Variants in GRIA2 observed in about 807,000 individuals in gnomAD.
The protein encoded by GRIA2 is glutamate ionotropic receptor AMPA type subunit 2.
A neutral mutation model predicts 97.3 loss-of-function variants in GRIA2; 14 were observed. The observed-to-expected ratio is 0.14, with a 90% CI of 0.10 to 0.23. The LOEUF (loss-of-function observed/expected upper bound fraction) is 0.23, where lower values mean the gene tolerates loss of function less well. GRIA2 is among the 10% of genes least tolerant of loss of function. The pLI is 1.00. For synonymous variants in GRIA2, 412 were observed against 387.8 expected, an observed-to-expected ratio of 1.06 and a Z score of -0.73; for missense variants, 558 against 1,069.8, an observed-to-expected ratio of 0.52 and a Z score of 6.67.
At chr4:157,277,836 A>ATATATATATGTATATAG (rs1732399918) in intron 2 of GRIA2, among the ~76,000 whole-genome samples, 1 of 121,254 alleles carries the variant, frequency 8.2e-6, no homozygotes, top group Non-Finnish European at 1.7e-5. Context: ...GTATATATGT[A>ATATATATATGTATATAG]TATATATATG....
intron 3 of GRIA2, among the ~76,000 whole-genome samples, chr4:157,306,157 A>G (rs1290795479): frequency 6.6e-6 from 1 of 152,264 alleles, no homozygotes; most frequent in South Asian, 2.1e-4. Flanking sequence ...TGGCATTTTT[A>G]GTTTAAGAAT....
At chr4:157,356,811 T>A (rs1028086862) in intron 12 of GRIA2, among the ~76,000 whole-genome samples, 2 of 151,864 alleles carry the variant, frequency 1.3e-5, no homozygotes, top group African/African-American at 4.9e-5. Context: ...GTGGATCCGA[T>A]GATTGTAGTG....
At chr4:157,251,913 A>T (rs1169193077) in intron 2 of GRIA2, among the ~76,000 whole-genome samples, 3 of 152,106 alleles carry the variant, frequency 2.0e-5, no homozygotes, top group Non-Finnish European at 4.4e-5. Context: ...TTGAGACCCT[A>T]TACGGGGATC....
At chr4:157,244,600 A>ATTC (rs1179933424) in intron 2 of GRIA2, among the ~76,000 whole-genome samples, 2 of 152,048 alleles carry the variant, frequency 1.3e-5, no homozygotes, top group Admixed American at 6.6e-5. Context: ...AAGAGTTTTT[A>ATTC]TTCTTACAGG....
At chr4:157,260,415 A>C (rs1731477531) in intron 2 of GRIA2, among the ~76,000 whole-genome samples, 1 of 152,126 alleles carries the variant, frequency 6.6e-6, no homozygotes, top group African/African-American at 2.4e-5. Context: ...TTATGCTATT[A>C]TTTAGGAACC....
At chr4:157,237,779 A>T (rs1730319131) in intron 2 of GRIA2, among the ~76,000 whole-genome samples, 1 of 152,106 alleles carries the variant, frequency 6.6e-6, no homozygotes, top group Non-Finnish European at 1.5e-5. Context: ...ATAAAAGAGG[A>T]TGTCAGATTT....
chr4:157,240,712 T>TC (rs1015913682), intron 2 of GRIA2, among the ~76,000 whole-genome samples: 1 of 152,122 alleles, frequency 6.6e-6, no homozygotes, highest in Non-Finnish European at 1.5e-5. Context: ...CTTTTTTTTT[T>TC]TCTTTTATTT....
chr4:157,274,109 T>C (rs564472483), intron 2 of GRIA2, among the ~76,000 whole-genome samples: 3 of 152,166 alleles, frequency 2.0e-5, no homozygotes, highest in East Asian at 3.9e-4. Flanking sequence ...AGTGTAGATT[T>C]ATGTATTCTG....
chr4:157,360,216 T>C (rs557611747), intron 13 of GRIA2, 73 bp downstream of exon 13: 1 of 1,474,806 alleles, frequency 6.8e-7, no homozygotes, highest in South Asian at 1.2e-5. Context: ...TCTTTAAGAC[T>C]CTCTTACGGT....
At chr4:157,221,830 T>C in intron 2 of GRIA2, 23 bp downstream of exon 2, 1 of 1,611,226 alleles carries the variant, frequency 6.2e-7, no homozygotes, top group East Asian at 2.2e-5. Context: ...TATTCATGCC[T>C]TTCGGGTGCT....
chr4:157,284,646 A>G (rs756312048), intron 2 of GRIA2, among the ~76,000 whole-genome samples: 9 of 151,640 alleles, frequency 5.9e-5, no homozygotes, highest in Non-Finnish European at 3.0e-5. Context: ...ATTCCACTGT[A>G]TTCTTACTAC....
intron 2 of GRIA2, among the ~76,000 whole-genome samples, chr4:157,228,064 C>T (rs1729828180): frequency 1.3e-5 from 2 of 152,100 alleles, no homozygotes; most frequent in African/African-American, 4.8e-5. Context: ...AGAATGAAAA[C>T]ATTTTAAAAT....
At chr4:157,241,955 A>G (rs368520527) in intron 2 of GRIA2, among the ~76,000 whole-genome samples, 4 of 152,112 alleles carry the variant, frequency 2.6e-5, no homozygotes, top group Admixed American at 2.6e-4. Context: ...TGTGTTCCAC[A>G]TTACCAATCT....
intron 5 of GRIA2, among the ~76,000 whole-genome samples, chr4:157,320,700 A>T (rs1734522291): frequency 6.6e-6 from 1 of 152,130 alleles, no homozygotes; most frequent in Admixed American, 6.5e-5. Context: ...GTACAATAAG[A>T]TAAATATTTG....
At chr4:157,314,339 G>T (rs891118274) in intron 4 of GRIA2, among the ~76,000 whole-genome samples, 1 of 152,066 alleles carries the variant, frequency 6.6e-6, no homozygotes, top group Non-Finnish European at 1.5e-5. Flanking sequence ...AATAATACAG[G>T]CCCTAAGACA....
At chr4:157,323,336 C>CAAAAAAAAAAAAAA (rs779080483) in intron 6 of GRIA2, among the ~76,000 whole-genome samples, 2 of 51,436 alleles carry the variant, frequency 3.9e-5, no homozygotes, top group Non-Finnish European at 6.4e-5. Context: ...GACTCTGTCT[C>CAAAAAAAAAAAAAA]AAAAAAAAAA....
intron 2 of GRIA2, among the ~76,000 whole-genome samples, chr4:157,289,059 G>A (rs1267988335): frequency 5.3e-5 from 8 of 151,812 alleles, no homozygotes; most frequent in Admixed American, 1.3e-4. Context: ...AGAAGTGGCA[G>A]AAAGTACATT....
intron 2 of GRIA2, among the ~76,000 whole-genome samples, chr4:157,291,576 T>C (rs1350928537): frequency 6.6e-6 from 1 of 152,038 alleles, no homozygotes; most frequent in African/African-American, 2.4e-5. Flanking sequence ...TTTAATTATA[T>C]ACATTGATCA....
chr4:157,365,626 G>C lies in GRIA2; in HGVS notation c.*2195G>C, dbSNP rs551659281. The C allele has an allele frequency of 6.6e-6, 1 of 152,030 alleles. No individual in the cohort carries two copies. The highest frequency in any genetic ancestry group is 6.6e-5 in the Admixed American group (1 of 15,194). 9.4% of individuals were successfully genotyped at this position (152,030 alleles called of 1,614,324 possible). On this transcript the variant is annotated 3_prime_UTR_variant, in exon 16 of 16. Transcript: ENST00000264426. ...TGTTGATTGGATAATGCACATCTCA[G>C]TTACAAGCAGTACTCATAGTTTAAT...
Sources: gnomAD v4.1 joint callset for allele counts (sites outside exome capture counted in the v4.1 genomes callset) on GRCh38, gnomAD v4.1.1 for gene constraint, MANE v1.5 for transcripts, NCBI Gene and HGNC (gene_info 2026-07-23, HGNC 2026-07-21) for gene names.